The following ROBO2 variants were observed in gnomAD, a reference collection of about 807,000 sequenced individuals.
ROBO2 encodes roundabout guidance receptor 2.
A neutral mutation model predicts 160.8 loss-of-function variants in ROBO2; 53 were observed. That is an observed-to-expected ratio of 0.33 (90% CI 0.26 to 0.41). ROBO2 has a LOEUF of 0.41. Ranked by LOEUF, ROBO2 falls within the 10% of genes least tolerant of loss-of-function variation. The probability of loss-of-function intolerance (pLI) is 1.00; values close to 1 mark genes in which losing one functional copy is unlikely to be tolerated. For missense variants in ROBO2, 1,577 were observed against 1,722.4 expected (o/e 0.92, Z 1.49); for synonymous variants, 664 against 611.7 (o/e 1.09, Z -1.26).
intron 6 of ROBO2, among the ~76,000 whole-genome samples, chr3:77,534,910 C>T (rs901423080): frequency 4.6e-5 from 7 of 152,102 alleles, no homozygotes; most frequent in African/African-American, 7.2e-5. Context: ...AATTGATACA[C>T]GCATATGCAT....
rs1383542182 is a variant in ROBO2, at chr3:77,317,249, A to G, written c.389-160165A>G. ...TCACAGCCCAGGTTAATGTGCTCCC[A>G]CTTGCACCCTGTCTTGATTTTAGCA... On this transcript the variant is annotated intron_variant, in intron 2 of 25. Transcript: ENST00000461745. 6.4e-6 allele frequency: 5 copies of G among 778,804 alleles called. No individual in the cohort carries two copies. In the East Asian group the frequency reaches 9.8e-5, roughly 15 times the overall value. The allele number at this position is 778,804 out of a possible 1,614,324, so 48.2% of individuals were successfully genotyped here. A position where few individuals can be genotyped will look rare whatever the true frequency, so the allele number is the denominator to read the frequency against.
intron 2 of ROBO2, among the ~76,000 whole-genome samples, chr3:76,613,787 T>G (rs1402834618): frequency 1.3e-5 from 2 of 152,082 alleles, no homozygotes; most frequent in African/African-American, 2.4e-5. Context: ...TTTATACAAA[T>G]TGAAAGGTGA....
intron 1 of ROBO2, among the ~76,000 whole-genome samples, chr3:77,046,779 G>T (rs2064714052): frequency 6.6e-6 from 1 of 152,218 alleles, no homozygotes; most frequent in Admixed American, 6.5e-5. Context: ...AAATGAGCTT[G>T]AATATGTTTA....
At chr3:77,421,347 A>AT (rs2077697312) in intron 2 of ROBO2, among the ~76,000 whole-genome samples, 1 of 152,032 alleles carries the variant, frequency 6.6e-6, no homozygotes, top group Admixed American at 6.6e-5. Flanking sequence ...CATTTTATGT[A>AT]TTTTGTTTTA....
At chr3:76,620,523 T>C (rs1319555680) in intron 2 of ROBO2, among the ~76,000 whole-genome samples, 1 of 152,152 alleles carries the variant, frequency 6.6e-6, no homozygotes, top group East Asian at 1.9e-4. Flanking sequence ...AGCTCCTAAT[T>C]CAGCATAGAA....
intron 1 of ROBO2, among the ~76,000 whole-genome samples, chr3:77,094,504 A>G (rs1219558520): frequency 6.6e-6 from 1 of 152,128 alleles, no homozygotes; most frequent in Non-Finnish European, 1.5e-5. Context: ...ATTCATGAGT[A>G]AGTTTTGTGT....
intron 2 of ROBO2, among the ~76,000 whole-genome samples, chr3:77,335,724 G>A (rs2066430889): frequency 6.6e-6 from 1 of 152,080 alleles, no homozygotes; most frequent in Admixed American, 6.6e-5. Flanking sequence ...TAGCCATCAA[G>A]AAAAAGGAAG....
At chr3:75,994,344 G>A (rs751407440) in intron 2 of ROBO2, among the ~76,000 whole-genome samples, 27 of 152,084 alleles carry the variant, frequency 1.8e-4, no homozygotes, top group Non-Finnish European at 2.9e-4. Context: ...TGGCTGTGGC[G>A]CCATCCAAAT....
chr3:76,244,957 A>G (rs1186118164), intron 2 of ROBO2, among the ~76,000 whole-genome samples: 1 of 152,188 alleles, frequency 6.6e-6, no homozygotes, highest in Non-Finnish European at 1.5e-5. Context: ...TTTACACAAA[A>G]TAGGTTCTGT....
intron 2 of ROBO2, among the ~76,000 whole-genome samples, chr3:76,045,816 CCTTCCTCTCT>C (rs1372464163): frequency 3.3e-5 from 5 of 151,816 alleles, no homozygotes; most frequent in African/African-American, 1.2e-4. Flanking sequence ...TCCTCCTCTC[CCTTCCTCTCT>C]CTTCCTCTTC....
intron 2 of ROBO2, among the ~76,000 whole-genome samples, chr3:76,345,159 G>C (rs1351591799): frequency 6.6e-6 from 1 of 152,052 alleles, no homozygotes; most frequent in East Asian, 1.9e-4. Flanking sequence ...TAGGATACAA[G>C]GAGGTGTGTC....
chr3:76,581,082 A>G (rs1047370011), intron 2 of ROBO2, among the ~76,000 whole-genome samples: 12 of 152,204 alleles, frequency 7.9e-5, no homozygotes, highest in African/African-American at 2.7e-4. Context: ...GCACTTGACA[A>G]TGTAGTATTT....
chr3:77,515,338 CAG>C (rs2153620610), intron 5 of ROBO2, among the ~76,000 whole-genome samples: 1 of 151,706 alleles, frequency 6.6e-6, no homozygotes, highest in Admixed American at 6.6e-5. Flanking sequence ...GTTGAGTCAG[CAG>C]AGTGAGGAAG....
intron 2 of ROBO2, among the ~76,000 whole-genome samples, chr3:77,464,419 A>G (rs892645886): frequency 2.0e-5 from 3 of 152,182 alleles, no homozygotes; most frequent in Non-Finnish European, 4.4e-5. Flanking sequence ...CTAAAAAAAG[A>G]AAAGAGCGTG....
chr3:77,125,150 G>T (rs1485824843), intron 2 of ROBO2, among the ~76,000 whole-genome samples: 1 of 152,022 alleles, frequency 6.6e-6, no homozygotes, highest in Non-Finnish European at 1.5e-5. Context: ...TCTTTGCTAT[G>T]AAACCTGGAA....
At chr3:77,396,922 G>A (rs984944792) in intron 2 of ROBO2, among the ~76,000 whole-genome samples, 1 of 151,968 alleles carries the variant, frequency 6.6e-6, no homozygotes, top group Non-Finnish European at 1.5e-5. Context: ...CATCCTTTGA[G>A]GTCCATAGTA....
At chr3:77,367,574 A>G (rs1328774719) in intron 2 of ROBO2, among the ~76,000 whole-genome samples, 1 of 152,186 alleles carries the variant, frequency 6.6e-6, no homozygotes, top group Admixed American at 6.6e-5. Context: ...AGATGCCAAG[A>G]GATATATTCT....
intron 2 of ROBO2, among the ~76,000 whole-genome samples, chr3:76,833,025 A>G (rs543072519): frequency 1.8e-4 from 27 of 152,180 alleles, no homozygotes; most frequent in Non-Finnish European, 3.4e-4. Context: ...AAAAAATTAT[A>G]TATAACATGG....
intron 2 of ROBO2, among the ~76,000 whole-genome samples, chr3:76,496,363 TA>T (rs1279174646): frequency 5.3e-5 from 8 of 152,214 alleles, no homozygotes; most frequent in Non-Finnish European, 1.0e-4. Flanking sequence ...AAAACCCCTC[TA>T]GGGGGTACCT....
Sources: gnomAD v4.1 joint callset for allele counts (sites outside exome capture counted in the v4.1 genomes callset) on GRCh38, gnomAD v4.1.1 for gene constraint, MANE v1.5 for transcripts, NCBI Gene and HGNC (gene_info 2026-07-23, HGNC 2026-07-21) for gene names.